The following DLG2 variants were observed in gnomAD, a reference collection of about 807,000 sequenced individuals.
The protein encoded by DLG2 is disks large homolog 2.
DLG2 carries 45 observed loss-of-function variants against 132.5 expected under a neutral mutation model. That is an observed-to-expected ratio of 0.34 (90% CI 0.27 to 0.44). The LOEUF (loss-of-function observed/expected upper bound fraction) is 0.44. Ranked by LOEUF, DLG2 falls within the 20% of genes least tolerant of loss-of-function variation. DLG2 has a pLI of 1.00. For synonymous variants in DLG2, 424 were observed against 419.6 expected, an observed-to-expected ratio of 1.01 and a Z score of -0.13; for missense variants, 1,045 against 1,196.9, an observed-to-expected ratio of 0.87 and a Z score of 1.87.
chr11:85,413,643 C>T (rs372200815), intron 3 of DLG2, among the ~76,000 whole-genome samples: 3 of 152,004 alleles, frequency 2.0e-5, no homozygotes, highest in East Asian at 3.9e-4. Context: ...TATTCCAGCA[C>T]CATTTGTTGA....
intron 1 of DLG2, among the ~76,000 whole-genome samples, 197 bp downstream of exon 1, chr11:85,627,021 C>A (rs1022503428): frequency 6.6e-6 from 1 of 152,132 alleles, no homozygotes; most frequent in African/African-American, 2.4e-5. Flanking sequence ...TTACTTTATA[C>A]ATGGTCAAAT....
chr11:85,225,037 GGTGTTTGAAATATAA>G (rs2074891467), intron 4 of DLG2, among the ~76,000 whole-genome samples: 1 of 150,430 alleles, frequency 6.6e-6, no homozygotes, highest in African/African-American at 2.4e-5. Flanking sequence ...GTTTATCTTA[GGTGTTTGAAATATAA>G]GTCTTTGTTT....
intron 18 of DLG2, among the ~76,000 whole-genome samples, chr11:83,663,151 G>A (rs1258930816): frequency 6.6e-6 from 1 of 152,158 alleles, no homozygotes; most frequent in Non-Finnish European, 1.5e-5. Context: ...AAATAATTGA[G>A]TAAACAACCC....
intron 6 of DLG2, among the ~76,000 whole-genome samples, chr11:85,053,037 T>C (rs1030144178): frequency 3.9e-5 from 6 of 152,194 alleles, no homozygotes; most frequent in Non-Finnish European, 7.3e-5. Flanking sequence ...TCTGCTCTAG[T>C]TTGGCTTTTA....
intron 7 of DLG2, among the ~76,000 whole-genome samples, chr11:84,449,663 C>T (rs959848445): frequency 1.3e-5 from 2 of 151,726 alleles, no homozygotes; most frequent in African/African-American, 4.8e-5. Flanking sequence ...TAACATCAGC[C>T]ATTTTTAAAA....
At chr11:84,886,881 C>A (rs2088421522) in intron 6 of DLG2, among the ~76,000 whole-genome samples, 1 of 152,116 alleles carries the variant, frequency 6.6e-6, no homozygotes, top group Admixed American at 6.6e-5. Flanking sequence ...CTGCAGGTTG[C>A]ATGAAATTAA....
chr11:83,790,100 C>G, intron 17 of DLG2: 1 of 978,874 alleles, frequency 1.0e-6, no homozygotes, highest in Non-Finnish European at 1.5e-6. Flanking sequence ...CTGCATGAAC[C>G]GAGACACTGG....
intron 15 of DLG2, among the ~76,000 whole-genome samples, chr11:83,904,675 A>G (rs1391871158): frequency 6.6e-6 from 1 of 151,722 alleles, no homozygotes; most frequent in Non-Finnish European, 1.5e-5. Context: ...TTTTTTAACC[A>G]TCCATCATAA....
chr11:84,917,878 G>A (rs778943190), intron 6 of DLG2, among the ~76,000 whole-genome samples: 2 of 152,060 alleles, frequency 1.3e-5, no homozygotes, highest in Non-Finnish European at 2.9e-5. Context: ...GAACTAATAC[G>A]TTATAGGTAT....
intron 5 of DLG2, among the ~76,000 whole-genome samples, chr11:85,125,786 C>A (rs999628016): frequency 1.4e-5 from 2 of 148,070 alleles, no homozygotes; most frequent in Non-Finnish European, 3.0e-5. Context: ...ATTCAAGTAC[C>A]TTCAATGTCC....
At chr11:84,189,203 A>T (rs766059401) in intron 8 of DLG2, among the ~76,000 whole-genome samples, 16 of 152,306 alleles carry the variant, frequency 1.1e-4, no homozygotes, top group South Asian at 2.1e-4. Flanking sequence ...ACATACATGC[A>T]GCCAACAAAC....
intron 6 of DLG2, among the ~76,000 whole-genome samples, chr11:84,744,855 G>T (rs953705389): frequency 7.4e-6 from 1 of 134,524 alleles, no homozygotes. Context: ...TTTGAACTAC[G>T]AAAGTTTCTG....
chr11:84,114,656 A>T (rs1353747225), intron 9 of DLG2, among the ~76,000 whole-genome samples: 2 of 152,222 alleles, frequency 1.3e-5, no homozygotes, highest in East Asian at 3.9e-4. Flanking sequence ...GCATGCACCC[A>T]GGTTTCCTAC....
chr11:84,895,885 C>A (rs2154067145), intron 6 of DLG2, among the ~76,000 whole-genome samples: 1 of 152,252 alleles, frequency 6.6e-6, no homozygotes, highest in African/African-American at 2.4e-5. Flanking sequence ...TTTATAACAA[C>A]CTGTCAGTGC....
chr11:84,231,544 T>C (rs1238419478), intron 8 of DLG2, among the ~76,000 whole-genome samples: 1 of 152,128 alleles, frequency 6.6e-6, no homozygotes, highest in Non-Finnish European at 1.5e-5. Context: ...GAAGGGCTAT[T>C]GTGTTCATGG....
chr11:84,247,958 T>G (rs924339069), intron 8 of DLG2, among the ~76,000 whole-genome samples: 1 of 152,216 alleles, frequency 6.6e-6, no homozygotes, highest in Non-Finnish European at 1.5e-5. Context: ...AAGGAAATGT[T>G]CTTACGCAAC....
At chr11:84,997,758 C>T (rs1422225927) in intron 6 of DLG2, 1 of 152,214 alleles carries the variant, frequency 6.6e-6, no homozygotes, top group Non-Finnish European at 1.5e-5. Context: ...TCACCAGCCT[C>T]TTTAGCATGG....
intron 4 of DLG2, among the ~76,000 whole-genome samples, chr11:85,260,802 A>G (rs1029554013): frequency 6.6e-6 from 1 of 152,172 alleles, no homozygotes; most frequent in African/African-American, 2.4e-5. Flanking sequence ...TGCTGAGAAG[A>G]GCAGAACAAT....
chr11:84,272,765 C>G (rs2097742443), intron 7 of DLG2, among the ~76,000 whole-genome samples: 1 of 152,096 alleles, frequency 6.6e-6, no homozygotes, highest in South Asian at 2.1e-4. Context: ...ATCTATATAT[C>G]AAACCTAACT....
Sources: allele counts gnomAD v4.1 joint callset (sites outside exome capture counted in the v4.1 genomes callset), GRCh38; gene constraint gnomAD v4.1.1; transcripts MANE v1.5; gene names NCBI Gene and HGNC (gene_info 2026-07-23, HGNC 2026-07-21).